The following DACH2 variants were observed in gnomAD, a reference collection of about 807,000 sequenced individuals.
The protein encoded by DACH2 is dachshund family transcription factor 2, also known as dachshund homolog 2.
DACH2 carries 17 observed loss-of-function variants against 35.8 expected under a neutral mutation model. That is an observed-to-expected ratio of 0.48 (90% CI 0.33 to 0.71). DACH2 has a LOEUF of 0.71. Ranked by LOEUF, DACH2 falls within the 30% of genes least tolerant of loss-of-function variation. DACH2 has a pLI of 0.02. For missense variants in DACH2, 469 were observed against 472.7 expected, an observed-to-expected ratio of 0.99 and a Z score of 0.07; for synonymous variants, 195 against 177.3, an observed-to-expected ratio of 1.10 and a Z score of -0.79.
intron 3 of DACH2, among the ~76,000 whole-genome samples, chrX:86,535,054 C>T (rs1441390311): frequency 1.8e-5 from 2 of 111,640 alleles, no homozygotes; most frequent in Non-Finnish European, 3.8e-5. Context: ...GGAGATAGGA[C>T]AGCCAATATA....
intron 2 of DACH2, among the ~76,000 whole-genome samples, chrX:86,473,313 T>A (rs1602559188): frequency 9.0e-6 from 1 of 111,335 alleles, no homozygotes; most frequent in South Asian, 3.7e-4. Flanking sequence ...AATAAGCACA[T>A]CATGTAAAAT....
At chrX:86,680,256 G>T (rs1298085010) in intron 4 of DACH2, among the ~76,000 whole-genome samples, 1 of 111,680 alleles carries the variant, frequency 9.0e-6, no homozygotes, top group Non-Finnish European at 1.9e-5. Flanking sequence ...GAAACTAAAA[G>T]TTCTTAAAGA....
At chrX:86,773,879 A>T (rs2042008090) in intron 7 of DACH2, among the ~76,000 whole-genome samples, 1 of 111,929 alleles carries the variant, frequency 8.9e-6, no homozygotes, top group African/African-American at 3.2e-5. Context: ...AGCTCTAATC[A>T]TTGTAGAAAA....
chrX:86,180,514 G>T (rs958663703), intron 1 of DACH2, among the ~76,000 whole-genome samples: 2 of 110,015 alleles, frequency 1.8e-5, no homozygotes, highest in South Asian at 7.7e-4. Flanking sequence ...AAAATTTGTG[G>T]ATTGGAACAG....
At chrX:86,347,144 A>G (rs1029055455) in intron 1 of DACH2, among the ~76,000 whole-genome samples, 1 of 112,099 alleles carries the variant, frequency 8.9e-6, no homozygotes, top group Non-Finnish European at 1.9e-5. Context: ...TAATTTTTTT[A>G]TTCAAGAAAT....
chrX:86,409,439 G>A (rs1025091546), intron 2 of DACH2, among the ~76,000 whole-genome samples: 2 of 111,370 alleles, frequency 1.8e-5, no homozygotes, highest in Non-Finnish European at 3.8e-5. Context: ...GATCATGGGG[G>A]TGGATGTCCC....
At chrX:86,622,028 A>G (rs1230812161) in intron 3 of DACH2, among the ~76,000 whole-genome samples, 5 of 111,686 alleles carry the variant, frequency 4.5e-5, no homozygotes, top group Non-Finnish European at 7.5e-5. Context: ...TGTATATCAT[A>G]TAATAGTGGT....
intron 3 of DACH2, among the ~76,000 whole-genome samples, chrX:86,560,119 C>A (rs1305702872): frequency 3.2e-5 from 1 of 31,248 alleles, no homozygotes; most frequent in Non-Finnish European, 5.1e-5. Context: ...TTCAGGAGCT[C>A]TTTTAGGGCA....
At chrX:86,618,018 G>A (rs1451054012) in intron 3 of DACH2, among the ~76,000 whole-genome samples, 2 of 112,284 alleles carry the variant, frequency 1.8e-5, no homozygotes, top group Non-Finnish European at 3.8e-5. Flanking sequence ...GCTTGTGCCT[G>A]TAATCCTGGG....
intron 3 of DACH2, among the ~76,000 whole-genome samples, chrX:86,596,858 G>T (rs1338353324): frequency 9.0e-6 from 1 of 111,222 alleles, no homozygotes; most frequent in Non-Finnish European, 1.9e-5. Flanking sequence ...TTTAGCTGTG[G>T]TTATCCTAGC....
At chrX:86,411,663 A>G (rs923769695) in intron 2 of DACH2, among the ~76,000 whole-genome samples, 2 of 112,038 alleles carry the variant, frequency 1.8e-5, no homozygotes, top group Non-Finnish European at 3.8e-5. Flanking sequence ...AAAATGAAAT[A>G]AAATAAAGAC....
At position 86,148,566 on chromosome X, in the gene DACH2, G is replaced by A; in HGVS notation, c.-55G>A. 1 of 1,112,192 alleles carries A rather than the reference G, an allele frequency of 9.0e-7. No homozygotes were observed. The highest frequency in any genetic ancestry group is 1.2e-6 in the Non-Finnish European group (1 of 843,816). The allele number at this position is 1,112,192 out of a possible 1,213,427, so 91.7% of individuals were successfully genotyped here. On this transcript the variant is annotated 5_prime_UTR_variant, in exon 1 of 12. Coordinates refer to ENST00000373125, the MANE Select transcript of DACH2 (RefSeq NM_053281.3). The stretch of plus-strand genomic sequence containing the variant: ...GGGAGTGAGTGCGAGGGGATCTAGA[G>A]GAGTCAGGGCGAGAAAGCGAGGGCC...
intron 1 of DACH2, among the ~76,000 whole-genome samples, chrX:86,338,305 C>T (rs67868948): frequency 0.2 from 22,167 of 110,806 alleles, 2,730 homozygotes; most frequent in African/African-American, 0.45. Flanking sequence ...AAATTGACCA[C>T]ATAATTGGAA....
chrX:86,390,774 A>G (rs1281992031), intron 2 of DACH2, among the ~76,000 whole-genome samples: 2 of 107,657 alleles, frequency 1.9e-5, no homozygotes, highest in African/African-American at 3.4e-5. Flanking sequence ...ATTTTTAGTT[A>G]AGACGGGGTT....
At chrX:86,244,473 G>A (rs1266695460) in intron 1 of DACH2, among the ~76,000 whole-genome samples, 2 of 111,818 alleles carry the variant, frequency 1.8e-5, no homozygotes, top group Admixed American at 1.9e-4. Flanking sequence ...AATTAGCTGG[G>A]CATGTTGGCA....
At chrX:86,725,030 TAA>T (rs199585798) in intron 6 of DACH2, among the ~76,000 whole-genome samples, 1 of 101,682 alleles carries the variant, frequency 9.8e-6, no homozygotes, top group Non-Finnish European at 2.0e-5. Flanking sequence ...GAATTTCTAT[TAA>T]AAAAAAAAAA....
At chrX:86,814,570 A>G in intron 9 of DACH2, 118 bp from the exon 10 acceptor site, 1 of 747,691 alleles carries the variant, frequency 1.3e-6, no homozygotes, top group Non-Finnish European at 1.9e-6. Context: ...ATCATATGTC[A>G]AGTGAAATAT....
intron 2 of DACH2, among the ~76,000 whole-genome samples, chrX:86,472,088 G>A (rs947920615): frequency 4.5e-5 from 5 of 111,894 alleles, no homozygotes; most frequent in African/African-American, 1.3e-4. Flanking sequence ...GGATTATTAC[G>A]TTATTCACTC....
chrX:86,791,148 G>C (rs1193103343), intron 7 of DACH2, among the ~76,000 whole-genome samples: 1 of 110,820 alleles, frequency 9.0e-6, no homozygotes, highest in Non-Finnish European at 1.9e-5. Context: ...TTGTCTCAGG[G>C]GTGGCAGTGG....
Sources: gnomAD v4.1 joint callset for allele counts (sites outside exome capture counted in the v4.1 genomes callset) on GRCh38, gnomAD v4.1.1 for gene constraint, MANE v1.5 for transcripts, NCBI Gene and HGNC (gene_info 2026-07-23, HGNC 2026-07-21) for gene names.